Variants in CRACD observed in about 807,000 individuals in gnomAD.
CRACD encodes capping protein inhibiting regulator of actin dynamics, also known as capping protein-inhibiting regulator of actin dynamics.
CRACD carries 56 observed loss-of-function variants against 106.8 expected under a neutral mutation model. The observed-to-expected ratio is 0.52, with a 90% CI of 0.42 to 0.66. The LOEUF (loss-of-function observed/expected upper bound fraction) is 0.66, where lower values mean the gene tolerates loss of function less well. Among genes scored for constraint, CRACD ranks in the 30% least tolerant of loss-of-function variants. The probability of loss-of-function intolerance (pLI) is 0.00; values close to 1 mark genes in which losing one functional copy is unlikely to be tolerated. For synonymous variants in CRACD, 754 were observed against 670.8 expected (o/e 1.12, Z -1.92); for missense variants, 1,730 against 1,623.2 (o/e 1.07, Z -1.13).
chr4:56,082,603 C>T (rs543597214), intron 1 of CRACD, among the ~76,000 whole-genome samples: 18 of 151,958 alleles, frequency 1.2e-4, no homozygotes, highest in East Asian at 5.8e-4. Context: ...TTGAAATGGA[C>T]GTAAGGAAAC....
chr4:56,174,496 A>C (rs1216125903), intron 1 of CRACD, among the ~76,000 whole-genome samples: 1 of 152,138 alleles, frequency 6.6e-6, no homozygotes, highest in Non-Finnish European at 1.5e-5. Context: ...TAGGAACATG[A>C]GATCAATTTT....
chr4:56,120,017 A>T (rs926949149), intron 1 of CRACD, among the ~76,000 whole-genome samples: 1 of 152,080 alleles, frequency 6.6e-6, no homozygotes, highest in Non-Finnish European at 1.5e-5. Context: ...AACCATTCTG[A>T]TTTCAGGATT....
chr4:56,165,639 A>C (rs1736114199), intron 1 of CRACD, among the ~76,000 whole-genome samples: 1 of 152,192 alleles, frequency 6.6e-6, no homozygotes, highest in Non-Finnish European at 1.5e-5. Context: ...TTAGGGAATA[A>C]CTTTAAGGTT....
chr4:56,107,297 C>T (rs1483928321), intron 1 of CRACD, among the ~76,000 whole-genome samples: 1 of 152,268 alleles, frequency 6.6e-6, no homozygotes, highest in Non-Finnish European at 1.5e-5. Flanking sequence ...TGGCCATTTT[C>T]TATGTGACCT....
chr4:56,159,219 C>G (rs147308959), intron 1 of CRACD, among the ~76,000 whole-genome samples: 1 of 152,158 alleles, frequency 6.6e-6, no homozygotes, highest in Admixed American at 6.5e-5. Flanking sequence ...ACATTTTTAC[C>G]GTTTCTTGGG....
intron 1 of CRACD, among the ~76,000 whole-genome samples, chr4:56,089,064 C>T (rs548969533): frequency 1.6e-4 from 24 of 152,246 alleles, no homozygotes; most frequent in African/African-American, 4.1e-4. Context: ...TTTTCACTAA[C>T]GAGTTAGAGA....
intron 2 of CRACD, among the ~76,000 whole-genome samples, chr4:56,222,334 C>G (rs1418305605): frequency 1.3e-5 from 2 of 152,142 alleles, no homozygotes; most frequent in Non-Finnish European, 2.9e-5. Flanking sequence ...GGGAACTAAG[C>G]TATGGGTATG....
chr4:56,215,111 G>A lies in CRACD; in HGVS notation c.-189+35681G>A, dbSNP rs182376366. Among the ~76,000 whole-genome samples the A allele has an allele frequency of 3.3e-5, 5 of 152,294 alleles. No homozygotes were observed. The East Asian group carries it at 5.8e-4, about 18-fold the overall frequency. ...TCTAACTTCAAACTCCTGGGCTCAA[G>A]CATTCTTCCCACCTCAGCCTCCCAA... is the stretch of plus-strand genomic sequence containing the variant. On this transcript the variant is annotated intron_variant, in intron 2 of 10. Transcript: ENST00000682029.
intron 2 of CRACD, among the ~76,000 whole-genome samples, chr4:56,222,833 C>T (rs1739115976): frequency 6.6e-6 from 1 of 151,684 alleles, no homozygotes; most frequent in African/African-American, 2.4e-5. Flanking sequence ...ATTAGCTGGG[C>T]ATGTGGGTGG....
intron 2 of CRACD, among the ~76,000 whole-genome samples, chr4:56,218,238 C>T (rs1738820498): frequency 6.6e-6 from 1 of 151,898 alleles, no homozygotes; most frequent in South Asian, 2.1e-4. Context: ...CAATTTAATC[C>T]CTGTCAAATG....
intron 2 of CRACD, among the ~76,000 whole-genome samples, chr4:56,231,004 T>G (rs10025926): frequency 0.45 from 67,897 of 151,902 alleles, 15,824 homozygotes; most frequent in Non-Finnish European, 0.51. Flanking sequence ...CATATATATG[T>G]GGAATTTAAT....
intron 1 of CRACD, among the ~76,000 whole-genome samples, chr4:56,060,016 C>T (rs1732218810): frequency 1.3e-5 from 2 of 152,208 alleles, no homozygotes; most frequent in African/African-American, 4.8e-5. Flanking sequence ...GAAAATGCAG[C>T]ATTCTTGCAT....
intron 2 of CRACD, among the ~76,000 whole-genome samples, chr4:56,271,084 G>A (rs1170779601): frequency 8.0e-5 from 11 of 137,166 alleles, no homozygotes; most frequent in Non-Finnish European, 1.4e-4. Flanking sequence ...CAGCTTGGGC[G>A]ATAAGAGTGA....
chr4:56,206,104 T>C (rs1331600591), intron 2 of CRACD, among the ~76,000 whole-genome samples: 7 of 152,382 alleles, frequency 4.6e-5, no homozygotes, highest in Admixed American at 1.3e-4. Context: ...TATTGCTTTG[T>C]TCCTGATAAA....
chr4:56,190,636 T>C (rs1737328073), intron 2 of CRACD, among the ~76,000 whole-genome samples: 2 of 152,300 alleles, frequency 1.3e-5, no homozygotes, highest in South Asian at 4.1e-4. Context: ...GACAGCTCTG[T>C]CCCTGTAGCT....
rs184048419 is a variant in CRACD at position 56,246,921 on chromosome 4, G to T, written c.-188-25400G>T. 2.4e-4 allele frequency among the ~76,000 whole-genome samples: 36 copies of T among 152,294 alleles called. No homozygotes were observed. The East Asian group carries it at 6.6e-3, about 28-fold the overall frequency. The stretch of plus-strand genomic sequence containing the variant: ...AGGCACTGGTATTAGTGCTAGTACT[G>T]GTATGGCTAGTGCTAAGAATCAGTA... On this transcript the variant is annotated intron_variant, in intron 2 of 10. Coordinates refer to ENST00000682029, the MANE Select transcript of CRACD (RefSeq NM_001393381.1).
chr4:56,123,211 C>T (rs1209308370), intron 1 of CRACD, among the ~76,000 whole-genome samples: 2 of 152,184 alleles, frequency 1.3e-5, no homozygotes, highest in East Asian at 3.8e-4. Context: ...ACTTCACATG[C>T]ATCTGCTGAG....
At chr4:56,079,450 C>CT (rs112556427) in intron 1 of CRACD, among the ~76,000 whole-genome samples, 3,936 of 142,372 alleles carry the variant, frequency 0.028, 80 homozygotes, top group African/African-American at 0.065. Flanking sequence ...TTCTTCTTTT[C>CT]TTTTTTTTTT....
At chr4:56,313,402 G>T (rs776824600) in intron 7 of CRACD, 23 bp downstream of exon 7, 1 of 1,597,286 alleles carries the variant, frequency 6.3e-7, no homozygotes, top group African/African-American at 1.3e-5. Flanking sequence ...TGCACGGGCT[G>T]ACCAGGCAGG....
Sources: allele counts gnomAD v4.1 joint callset (sites outside exome capture counted in the v4.1 genomes callset), GRCh38; gene constraint gnomAD v4.1.1; transcripts MANE v1.5; gene names NCBI Gene and HGNC (gene_info 2026-07-23, HGNC 2026-07-21).